The following ANKRD36 variants were observed in gnomAD, a reference collection of about 807,000 sequenced individuals.
ANKRD36 encodes ankyrin repeat domain-containing protein 36A.
In ANKRD36, 179 loss-of-function variants were observed where a neutral mutation model predicts 278.1. The ratio of observed to expected loss-of-function variants is 0.64; its 90% CI spans 0.57 to 0.73. The LOEUF is 0.73. Ranked by LOEUF, ANKRD36 falls within the 30% of genes least tolerant of loss-of-function variation. The pLI, the probability that ANKRD36 is intolerant of heterozygous loss-of-function variation, is 0.00. For missense variants in ANKRD36, 1,159 were observed against 1,956.7 expected, an observed-to-expected ratio of 0.59 and a Z score of 7.69; for synonymous variants, 320 against 641.1, an observed-to-expected ratio of 0.50 and a Z score of 7.57.
intron 62 of ANKRD36, among the ~76,000 whole-genome samples, chr2:97,216,333 T>C (rs1417506196): frequency 2.6e-5 from 4 of 151,898 alleles, no homozygotes; most frequent in Non-Finnish European, 2.9e-5. Flanking sequence ...AAGACTATTA[T>C]AGAAACAAAA....
intron 26 of ANKRD36, 130 bp from the exon 27 acceptor site, chr2:97,183,329 A>G (rs1007151559): frequency 1.5e-5 from 18 of 1,229,760 alleles, no homozygotes; most frequent in Non-Finnish European, 1.9e-5. Context: ...CCAAAGACAC[A>G]AACTGTAAAA....
At chr2:97,145,702 A>AT (rs574666531) in intron 10 of ANKRD36, among the ~76,000 whole-genome samples, 5 of 152,120 alleles carry the variant, frequency 3.3e-5, no homozygotes, top group African/African-American at 1.2e-4. Flanking sequence ...TTTTTTATAC[A>AT]TTTTGATTAG....
At chr2:97,207,213 A>T (rs749630699) in intron 52 of ANKRD36, among the ~76,000 whole-genome samples, 1 of 151,464 alleles carries the variant, frequency 6.6e-6, no homozygotes, top group Non-Finnish European at 1.5e-5. Context: ...ACTTAGGCAG[A>T]TTATTGCACC....
intron 28 of ANKRD36, among the ~76,000 whole-genome samples, chr2:97,184,248 T>C (rs1047320407): frequency 2.6e-5 from 4 of 151,764 alleles, no homozygotes; most frequent in African/African-American, 9.7e-5. Context: ...GATTTCTGAC[T>C]GCTCCGATGA....
intron 42 of ANKRD36, among the ~76,000 whole-genome samples, 165 bp downstream of exon 42, chr2:97,196,953 C>CT (rs1325811813): frequency 2.6e-5 from 4 of 152,032 alleles, no homozygotes; most frequent in African/African-American, 9.6e-5. Context: ...TGCTGCTGGT[C>CT]TGGAACATGA....
At chr2:97,185,115 C>T (rs549962596) in intron 28 of ANKRD36, among the ~76,000 whole-genome samples, 5 of 151,774 alleles carry the variant, frequency 3.3e-5, no homozygotes, top group African/African-American at 9.7e-5. Context: ...CCATGATTGA[C>T]ATTGTAAGGG....
chr2:97,133,661 AT>A (rs1279455055), intron 6 of ANKRD36, among the ~76,000 whole-genome samples: 12 of 151,964 alleles, frequency 7.9e-5, no homozygotes, highest in African/African-American at 2.9e-4. Context: ...GAATATTCAT[AT>A]TGTGTTTCAA....
At chr2:97,221,741 G>T (rs1346391312) in intron 66 of ANKRD36, among the ~76,000 whole-genome samples, 26 of 149,750 alleles carry the variant, frequency 1.7e-4, no homozygotes, top group African/African-American at 5.7e-4. Flanking sequence ...CTGTTCACTC[G>T]GATGGTAGTT....
chr2:97,135,978 A>G (rs1263337769), intron 6 of ANKRD36, among the ~76,000 whole-genome samples: 2 of 151,876 alleles, frequency 1.3e-5, no homozygotes, highest in Non-Finnish European at 2.9e-5. Flanking sequence ...AGAATTTCCA[A>G]GATGATATCA....
intron 22 of ANKRD36, among the ~76,000 whole-genome samples, chr2:97,171,071 G>A (rs2153517839): frequency 6.8e-6 from 1 of 147,724 alleles, no homozygotes; most frequent in East Asian, 2.0e-4. Flanking sequence ...GAGAGGATGT[G>A]GAGAAATAGG....
rs762918227 is a variant in ANKRD36 at position 97,187,258 on chromosome 2, G to C, written c.2070+32G>C. The stretch of plus-strand genomic sequence containing the variant: ...AAACTCTCATTTATATTGTGAACTA[G>C]TAAATCTATAGTCTATGAAATATAC... On this transcript the variant is annotated intron_variant, in intron 31 of 75. Transcript: ENST00000420699. The C allele has an allele frequency of 1.0e-5, 16 of 1,605,820 alleles. No homozygotes were observed. In the Admixed American group the frequency reaches 1.7e-4, roughly 17 times the overall value.
intron 12 of ANKRD36, among the ~76,000 whole-genome samples, chr2:97,151,675 A>G (rs2046023765): frequency 6.6e-6 from 1 of 152,308 alleles, no homozygotes; most frequent in Non-Finnish European, 1.5e-5. Context: ...AAGGAGTAAC[A>G]TTTTGAAGAT....
intron 46 of ANKRD36, among the ~76,000 whole-genome samples, 173 bp from the exon 47 acceptor site, chr2:97,202,029 G>C (rs568324427): frequency 3.3e-5 from 5 of 151,946 alleles, no homozygotes; most frequent in Non-Finnish European, 7.4e-5. Flanking sequence ...GCCTGTATTC[G>C]CTTTTCTCAG....
rs1199107721 is a variant in ANKRD36 at position 97,207,971 on chromosome 2, C to T, written c.3230C>T (p.Ala1077Val). 2 of 1,523,788 alleles carry T rather than the reference C, an allele frequency of 1.3e-6. No homozygotes were observed. The highest frequency in any genetic ancestry group is 2.0e-5 in the Admixed American group (1 of 49,690). 94.4% of individuals were successfully genotyped at this position (1,523,788 alleles called of 1,614,324 possible). The change falls in exon 54 of 76, where the codon GCC (alanine) becomes GTC (valine). Residue 1077 changes from alanine (A) to valine (V), a missense_variant. Physicochemically the swap from Ala to Val is moderately conservative, Grantham distance 64. Coordinates refer to ENST00000420699, the MANE Select transcript of ANKRD36 (RefSeq NM_001354587.1). The stretch of plus-strand genomic sequence containing the variant: ...GAGAAAGATTCTGTTTTGAATATAG[C>T]CAGAGGAAAAAAGTATGGAGAAAAA... ...SAEKDSVLNI[A>V]RGKKYGEKTK...
chr2:97,171,702 T>TA (rs549491630), intron 22 of ANKRD36, among the ~76,000 whole-genome samples: 33 of 111,788 alleles, frequency 3.0e-4, no homozygotes, highest in African/African-American at 5.2e-4. Flanking sequence ...AAAGTATAAT[T>TA]AAAAAAAAAA....
intron 6 of ANKRD36, among the ~76,000 whole-genome samples, chr2:97,131,196 T>A (rs1303180650): frequency 6.7e-6 from 1 of 148,646 alleles, no homozygotes; most frequent in Non-Finnish European, 1.5e-5. Flanking sequence ...GTTTCTTGAT[T>A]TTTTTTTTTT....
intron 17 of ANKRD36, among the ~76,000 whole-genome samples, chr2:97,161,322 G>GC (rs1182815014): frequency 1.3e-5 from 2 of 152,268 alleles, no homozygotes; most frequent in African/African-American, 2.4e-5. Flanking sequence ...CAGAAAAACT[G>GC]CACTCCAGGT....
At chr2:97,223,183 C>T (rs1314260337) in intron 66 of ANKRD36, among the ~76,000 whole-genome samples, 3 of 149,198 alleles carry the variant, frequency 2.0e-5, no homozygotes, top group Non-Finnish European at 4.4e-5. Flanking sequence ...TCACTGCAAC[C>T]TCCACCTCCC....
chr2:97,147,994 G>A (rs1219120702), intron 11 of ANKRD36, among the ~76,000 whole-genome samples: 1 of 151,922 alleles, frequency 6.6e-6, no homozygotes, highest in Non-Finnish European at 1.5e-5. Context: ...ATTGAAAAAT[G>A]TTAAAAGAAT....
Sources: allele counts gnomAD v4.1 joint callset (sites outside exome capture counted in the v4.1 genomes callset), GRCh38; gene constraint gnomAD v4.1.1; transcripts MANE v1.5; gene names NCBI Gene and HGNC (gene_info 2026-07-23, HGNC 2026-07-21).